The following DLG2 variants were observed in gnomAD, a reference collection of about 807,000 sequenced individuals.
DLG2 encodes disks large homolog 2.
A neutral mutation model predicts 132.5 loss-of-function variants in DLG2; 45 were observed. The ratio of observed to expected loss-of-function variants is 0.34; its 90% confidence interval spans 0.27 to 0.44. DLG2 has a LOEUF of 0.44. DLG2 is among the 20% of genes least tolerant of loss of function. DLG2 has a pLI of 1.00. For missense variants in DLG2, 1,045 were observed against 1,196.9 expected (o/e 0.87, Z 1.87); for synonymous variants, 424 against 419.6 (o/e 1.01, Z -0.13).
chr11:85,087,110 T>C (rs1489126497), intron 6 of DLG2, among the ~76,000 whole-genome samples: 1 of 152,214 alleles, frequency 6.6e-6, no homozygotes, highest in Admixed American at 6.5e-5. Context: ...ATGAACTCTA[T>C]GCCTCAGGCA....
In DLG2 at chr11:83,669,880, C is replaced by T. The variant is rs940744794; in HGVS notation, c.1826-36555G>A. ...AAACACTTGCAATTATGCAGTTCCT[C>T]GTTAGGACAAGCCAAAGGAAGAGCT... is the stretch of plus-strand genomic sequence containing the variant. On this transcript the variant is annotated intron_variant, in intron 18 of 27. Coordinates refer to ENST00000376104, the MANE Select transcript of DLG2 (RefSeq NM_001142699.3). Among the ~76,000 whole-genome samples the T allele has an allele frequency of 3.9e-5, 6 of 152,162 alleles. No homozygotes were observed. In the South Asian group the frequency reaches 6.2e-4, roughly 16 times the overall value.
intron 6 of DLG2, among the ~76,000 whole-genome samples, chr11:84,763,614 C>T (rs551405275): frequency 1.1e-4 from 17 of 152,240 alleles, no homozygotes; most frequent in Admixed American, 1.0e-3. Context: ...CACATAAACA[C>T]AAAGTGTCCC....
chr11:85,067,298 C>A (rs942403593), intron 6 of DLG2, among the ~76,000 whole-genome samples: 1 of 151,866 alleles, frequency 6.6e-6, no homozygotes, highest in African/African-American at 2.4e-5. Context: ...AAAACCAGCT[C>A]CTGGATTCAT....
intron 8 of DLG2, among the ~76,000 whole-genome samples, chr11:84,220,028 C>T (rs1194529400): frequency 6.6e-6 from 1 of 152,186 alleles, no homozygotes; most frequent in African/African-American, 2.4e-5. Flanking sequence ...TACCACTCTA[C>T]CAAATGTCTC....
At chr11:85,150,000 T>G (rs925898371) in intron 5 of DLG2, among the ~76,000 whole-genome samples, 2 of 147,482 alleles carry the variant, frequency 1.4e-5, no homozygotes, top group Non-Finnish European at 3.0e-5. Flanking sequence ...CTCAAAAACA[T>G]CAGTTTTTAA....
At chr11:85,098,004 C>T (rs2070183071) in intron 6 of DLG2, among the ~76,000 whole-genome samples, 1 of 152,182 alleles carries the variant, frequency 6.6e-6, no homozygotes, top group South Asian at 2.1e-4. Flanking sequence ...TAAAAATAAG[C>T]TCTCAGAATA....
chr11:84,731,446 T>C lies in DLG2; in HGVS notation c.358-196715A>G, dbSNP rs530428543. On this transcript the variant is annotated intron_variant, in intron 6 of 27. Coordinates refer to ENST00000376104, the MANE Select transcript of DLG2 (RefSeq NM_001142699.3). ...TAAGAGCATATATAGGGGAATCTCA[T>C]CTAAAAATGGAGGTAGGAAGGCATA... Among the ~76,000 whole-genome samples the C allele has an allele frequency of 2.0e-5, 3 of 151,948 alleles. No individual in the cohort carries two copies. In the East Asian group the frequency reaches 5.8e-4, roughly 29 times the overall value.
intron 6 of DLG2, among the ~76,000 whole-genome samples, chr11:84,898,686 T>C (rs1049454460): frequency 6.6e-6 from 1 of 151,860 alleles, no homozygotes; most frequent in Admixed American, 6.6e-5. Flanking sequence ...CTCTCTCCCC[T>C]CCACTGTTCT....
chr11:84,393,027 G>C (rs942889483), intron 7 of DLG2, among the ~76,000 whole-genome samples: 20 of 152,210 alleles, frequency 1.3e-4, no homozygotes, highest in African/African-American at 4.8e-4. Context: ...ATTTCTGGTG[G>C]CATAAGGTGA....
intron 3 of DLG2, among the ~76,000 whole-genome samples, chr11:85,298,973 T>TA (rs1345018648): frequency 2.0e-5 from 3 of 152,244 alleles, no homozygotes; most frequent in East Asian, 3.9e-4. Flanking sequence ...AAATTATTTC[T>TA]AAAAAACAAA....
chr11:84,411,400 A>G (rs59689095), intron 7 of DLG2, among the ~76,000 whole-genome samples: 7,109 of 152,320 alleles, frequency 0.047, 205 homozygotes, highest in South Asian at 0.073. Flanking sequence ...TGGTTACTAG[A>G]GCTAAAAAAC....
At chr11:85,551,435 T>G (rs867659119) in intron 3 of DLG2, among the ~76,000 whole-genome samples, 3 of 152,140 alleles carry the variant, frequency 2.0e-5, no homozygotes, top group African/African-American at 7.2e-5. Context: ...AATGTAAAAA[T>G]AATTATAATT....
chr11:84,729,423 T>C lies in DLG2; in HGVS notation c.358-194692A>G, dbSNP rs543159446. 5.6e-4 allele frequency among the ~76,000 whole-genome samples: 85 copies of C among 152,308 alleles called. 3 individuals are homozygous for C. Among genetic ancestry groups the C allele is most frequent in the African/African-American group, 1.8e-3 (76 of 41,558 alleles). On this transcript the variant is annotated intron_variant, in intron 6 of 27. Transcript: ENST00000376104. Reference sequence around the variant, plus strand: ...TTCTTAATCCTGAGTTCTAATTTGATTGCACTGTGGTCCGAGAGACTGTTT... The same window carrying C: ...TTCTTAATCCTGAGTTCTAATTTGACTGCACTGTGGTCCGAGAGACTGTTT...
chr11:84,023,877 G>A (rs146627191), intron 11 of DLG2, among the ~76,000 whole-genome samples: 53 of 152,022 alleles, frequency 3.5e-4, no homozygotes, highest in African/African-American at 1.1e-3. Flanking sequence ...ACAATAATCC[G>A]CTTAATGAAC....
At chr11:84,082,977 C>G (rs1566403621) in intron 10 of DLG2, among the ~76,000 whole-genome samples, 2 of 152,108 alleles carry the variant, frequency 1.3e-5, no homozygotes, top group Non-Finnish European at 2.9e-5. Flanking sequence ...ATTTAGCTAT[C>G]AAGAAAATAA....
intron 10 of DLG2, among the ~76,000 whole-genome samples, chr11:84,080,605 A>G (rs570705113): frequency 5.3e-5 from 8 of 151,948 alleles, no homozygotes; most frequent in Non-Finnish European, 1.2e-4. Flanking sequence ...ATGACTATCA[A>G]ATAGATTGTG....
intron 4 of DLG2, among the ~76,000 whole-genome samples, chr11:85,267,519 C>T (rs1035647118): frequency 8.5e-5 from 13 of 152,090 alleles, no homozygotes; most frequent in Non-Finnish European, 1.9e-4. Context: ...CAAAAGAGAT[C>T]CTGATACAAG....
chr11:85,088,807 G>A (rs9634003), intron 6 of DLG2, among the ~76,000 whole-genome samples: 36,802 of 151,978 alleles, frequency 0.24, 4,698 homozygotes, highest in Middle Eastern at 0.3. Flanking sequence ...GAACCACACA[G>A]TCAAAACTTA....
intron 6 of DLG2, among the ~76,000 whole-genome samples, chr11:84,755,712 C>G (rs961310909): frequency 1.3e-5 from 2 of 152,200 alleles, no homozygotes; most frequent in Non-Finnish European, 2.9e-5. Context: ...CATGAGCTAC[C>G]GCGCCTGGCC....
Sources: allele counts gnomAD v4.1 joint callset (sites outside exome capture counted in the v4.1 genomes callset), GRCh38; gene constraint gnomAD v4.1.1; transcripts MANE v1.5; gene names NCBI Gene and HGNC (gene_info 2026-07-23, HGNC 2026-07-21).